Variants in RBX1 observed in about 807,000 individuals in gnomAD.
The protein encoded by RBX1 is ring-box 1, also known as E3 ubiquitin-protein ligase RBX1.
For synonymous variants in RBX1, 48 were observed against 47.9 expected (o/e 1.00, Z -0.01); for missense variants, 46 against 141.4 (o/e 0.33, Z 3.42).
intron 2 of RBX1, among the ~76,000 whole-genome samples, chr22:40,960,215 A>G (rs534010266): frequency 6.6e-6 from 1 of 152,302 alleles, no homozygotes; most frequent in African/African-American, 2.4e-5. Flanking sequence ...TGCACTTGGC[A>G]TAGAAAGACC....
At chr22:40,970,440 C>T (rs959078438) in intron 4 of RBX1, among the ~76,000 whole-genome samples, 5 of 152,064 alleles carry the variant, frequency 3.3e-5, no homozygotes, top group Non-Finnish European at 5.9e-5. Context: ...TTTATACTCC[C>T]TCCAAACAGT....
Position 40,951,378 on chromosome 22 carries a change from G to A in RBX1, c.-21G>A, listed in dbSNP as rs745465957. On this transcript the variant is annotated 5_prime_UTR_variant, in exon 1 of 5. Coordinates refer to ENST00000216225, the MANE Select transcript of RBX1 (RefSeq NM_014248.4). ...TGCTGCGCAGGCGCGGTGGTCGGACGACAGACCGTGTGTTTCCAAAATGGC... is the reference window on the plus strand; with the variant it reads ...TGCTGCGCAGGCGCGGTGGTCGGACAACAGACCGTGTGTTTCCAAAATGGC... 5 of 1,610,670 alleles carry A rather than the reference G, an allele frequency of 3.1e-6. No homozygotes were observed. Among genetic ancestry groups the A allele is most frequent in the Non-Finnish European group, 4.2e-6 (5 of 1,178,016 alleles).
At chr22:40,966,144 G>A (rs1297175014) in intron 3 of RBX1, 2 of 152,168 alleles carry the variant, frequency 1.3e-5, no homozygotes, top group East Asian at 3.9e-4. Context: ...TGTCATGCTT[G>A]CCTGCCAGGG....
intron 4 of RBX1, 133 bp downstream of exon 4, chr22:40,968,017 C>A: frequency 2.6e-5 from 12 of 467,210 alleles, no homozygotes; most frequent in East Asian, 4.0e-5. Flanking sequence ...TAAGCTAGGA[C>A]TTATCTATAT....
rs928095098 is a variant in RBX1 at position 40,967,974 on chromosome 22, C to G, written c.314+90C>G. 2.8e-5 allele frequency: 23 copies of G among 833,360 alleles called. No homozygotes were observed. The East Asian group carries it at 5.8e-4, about 21-fold the overall frequency. The allele number at this position is 833,360 out of a possible 1,614,324, so 51.6% of individuals were successfully genotyped here. Reference sequence around the variant, plus strand: ...TTGGGGGATGGAGACATGATACATGCCTTGTTTTTTTTAAAACTAGTTTTT... The same window carrying G: ...TTGGGGGATGGAGACATGATACATGGCTTGTTTTTTTTAAAACTAGTTTTT... On this transcript the variant is annotated intron_variant, in intron 4 of 4. Transcript: ENST00000216225.
At chr22:40,964,176 T>A in intron 3 of RBX1, 59 bp downstream of exon 3, 2 of 1,325,078 alleles carry the variant, frequency 1.5e-6, no homozygotes, top group South Asian at 2.4e-5. Context: ...CTTTTCCTGC[T>A]TTGCTAGTCT....
At chr22:40,962,576 A>G (rs2058343893) in intron 2 of RBX1, among the ~76,000 whole-genome samples, 1 of 150,092 alleles carries the variant, frequency 6.7e-6, no homozygotes, top group African/African-American at 2.4e-5. Context: ...GCTCACTGCA[A>G]CCTCTGCCTC....
intron 2 of RBX1, among the ~76,000 whole-genome samples, chr22:40,960,920 A>G (rs543428824): frequency 1.3e-5 from 2 of 150,384 alleles, no homozygotes; most frequent in East Asian, 2.0e-4. Context: ...CACCCACCAC[A>G]CCCGGTTAAT....
intron 2 of RBX1, among the ~76,000 whole-genome samples, chr22:40,957,309 C>T (rs2058328356): frequency 6.6e-6 from 1 of 151,836 alleles, no homozygotes; most frequent in Non-Finnish European, 1.5e-5. Flanking sequence ...CCTGCCATTG[C>T]ACTCCATCCT....
chr22:40,971,909 CAG>C (rs1288771922), intron 4 of RBX1, among the ~76,000 whole-genome samples: 2 of 152,094 alleles, frequency 1.3e-5, no homozygotes, highest in Non-Finnish European at 2.9e-5. Context: ...CTGGGGAAAA[CAG>C]AAACCTCCAA....
chr22:40,957,931 TCTC>T (rs1384324583), intron 2 of RBX1, among the ~76,000 whole-genome samples: 1 of 151,814 alleles, frequency 6.6e-6, no homozygotes, highest in Non-Finnish European at 1.5e-5. Flanking sequence ...TTCAAACAAT[TCTC>T]CTGCCTCAGC....
At chr22:40,969,855 C>T (rs942562928) in intron 4 of RBX1, among the ~76,000 whole-genome samples, 7 of 150,642 alleles carry the variant, frequency 4.6e-5, no homozygotes, top group African/African-American at 1.7e-4. Flanking sequence ...TGCCACTGCA[C>T]TCCAGTCTAA....
chr22:40,969,514 C>T (rs1299717998), intron 4 of RBX1, among the ~76,000 whole-genome samples: 2 of 152,066 alleles, frequency 1.3e-5, no homozygotes. Flanking sequence ...CTTTAGGAGG[C>T]CAAGGTGGGC....
chr22:40,960,492 G>A (rs1005841305), intron 2 of RBX1, among the ~76,000 whole-genome samples: 3 of 152,062 alleles, frequency 2.0e-5, no homozygotes, highest in Admixed American at 2.0e-4. Context: ...GAGCCTGAAG[G>A]GTTCTTTAGG....
At chr22:40,965,591 C>T (rs1385492307) in intron 3 of RBX1, among the ~76,000 whole-genome samples, 5 of 152,034 alleles carry the variant, frequency 3.3e-5, no homozygotes, top group African/African-American at 1.2e-4. Context: ...CAGGTGTGTA[C>T]CACCACACCC....
intron 2 of RBX1, among the ~76,000 whole-genome samples, chr22:40,961,361 A>G (rs921438761): frequency 1.3e-5 from 2 of 151,984 alleles, no homozygotes; most frequent in African/African-American, 4.8e-5. Flanking sequence ...CTGGGATTAC[A>G]GGTGTGAGCG....
intron 2 of RBX1, among the ~76,000 whole-genome samples, chr22:40,963,629 TC>T (rs1251369818): frequency 6.6e-6 from 1 of 151,708 alleles, no homozygotes; most frequent in Admixed American, 6.6e-5. Flanking sequence ...AGAGGGAAAC[TC>T]CATCTCAAAA....
chr22:40,961,344 C>T (rs1349352872), intron 2 of RBX1, among the ~76,000 whole-genome samples: 1 of 152,028 alleles, frequency 6.6e-6, no homozygotes, highest in Non-Finnish European at 1.5e-5. Context: ...CTTGGCCTCC[C>T]AAAGTGCTGG....
intron 2 of RBX1, among the ~76,000 whole-genome samples, chr22:40,955,843 A>G (rs552833430): frequency 6.6e-6 from 1 of 152,334 alleles, no homozygotes; most frequent in Non-Finnish European, 1.5e-5. Flanking sequence ...ACAGCCAAGG[A>G]AGATCAGCAC....
Sources: gnomAD v4.1 joint callset for allele counts (sites outside exome capture counted in the v4.1 genomes callset) on GRCh38, gnomAD v4.1.1 for gene constraint, MANE v1.5 for transcripts, NCBI Gene and HGNC (gene_info 2026-07-23, HGNC 2026-07-21) for gene names.